Variants in PCDH15 observed in about 807,000 individuals in gnomAD.
PCDH15 encodes the protein protocadherin related 15, also known as protocadherin-15.
In PCDH15, 129 loss-of-function variants were observed where a neutral mutation model predicts 178.5. The observed-to-expected ratio is 0.72, with a 90% CI of 0.63 to 0.84. PCDH15 has a LOEUF of 0.84. PCDH15 is among the 40% of genes least tolerant of loss of function. The pLI, the probability that PCDH15 is intolerant of heterozygous loss-of-function variation, is 0.00. For missense variants in PCDH15, 2,230 were observed against 2,099.9 expected, an observed-to-expected ratio of 1.06 and a Z score of -1.21; for synonymous variants, 800 against 732.0, an observed-to-expected ratio of 1.09 and a Z score of -1.50.
chr10:55,151,572 T>G (rs1436431548), intron 2 of PCDH15, among the ~76,000 whole-genome samples: 2 of 152,128 alleles, frequency 1.3e-5, no homozygotes, highest in East Asian at 3.9e-4. Context: ...CTTCAGACCT[T>G]CAATAAGATG....
intron 8 of PCDH15, among the ~76,000 whole-genome samples, chr10:54,302,062 A>G (rs2060180558): frequency 6.6e-6 from 1 of 152,194 alleles, no homozygotes; most frequent in South Asian, 2.1e-4. Flanking sequence ...TCCCATCAAA[A>G]TCAACATAAC....
intron 2 of PCDH15, among the ~76,000 whole-genome samples, chr10:55,499,549 T>C (rs1840609377): frequency 6.6e-6 from 1 of 151,718 alleles, no homozygotes; most frequent in Admixed American, 6.6e-5. Context: ...GATGTCTTTG[T>C]ACATTCTTTT....
intron 3 of PCDH15, among the ~76,000 whole-genome samples, chr10:54,386,178 C>T (rs1184439723): frequency 6.7e-6 from 1 of 148,824 alleles, no homozygotes; most frequent in Non-Finnish European, 1.5e-5. Flanking sequence ...AATATTTTGG[C>T]TTCCCTAGGC....
At chr10:54,676,107 G>C (rs181024109) in intron 1 of PCDH15, among the ~76,000 whole-genome samples, 162 of 152,166 alleles carry the variant, frequency 1.1e-3, no homozygotes, top group Non-Finnish European at 2.0e-3. Flanking sequence ...AATTCTCACA[G>C]AGAGTATGGA....
At chr10:54,839,758 GC>G (rs1432127440) in intron 3 of PCDH15, among the ~76,000 whole-genome samples, 1 of 151,944 alleles carries the variant, frequency 6.6e-6, no homozygotes, top group Non-Finnish European at 1.5e-5. Flanking sequence ...TTAGAAAGCA[GC>G]AAATAAATAA....
At chr10:54,609,257 C>T (rs1398578567) in intron 2 of PCDH15, among the ~76,000 whole-genome samples, 1 of 151,960 alleles carries the variant, frequency 6.6e-6, no homozygotes, top group Non-Finnish European at 1.5e-5. Flanking sequence ...AAATACATTT[C>T]AAATGTTATG....
At chr10:54,878,286 GCAAT>G (rs1179042421) in intron 3 of PCDH15, among the ~76,000 whole-genome samples, 2 of 152,076 alleles carry the variant, frequency 1.3e-5, no homozygotes, top group Non-Finnish European at 2.9e-5. Context: ...TAAAGATCTA[GCAAT>G]CAAGCAACTT....
intron 18 of PCDH15, among the ~76,000 whole-genome samples, chr10:54,027,335 G>A (rs971745604): frequency 6.6e-6 from 1 of 151,602 alleles, no homozygotes; most frequent in African/African-American, 2.4e-5. Context: ...TGGATAGGAA[G>A]AATCAATATC....
intron 2 of PCDH15, among the ~76,000 whole-genome samples, chr10:54,558,998 A>G (rs1350839026): frequency 6.6e-6 from 1 of 152,060 alleles, no homozygotes; most frequent in African/African-American, 2.4e-5. Flanking sequence ...AAAGAATAGC[A>G]ATAGGTTTGG....
intron 2 of PCDH15, among the ~76,000 whole-genome samples, chr10:55,347,466 A>C (rs534231195): frequency 3.9e-5 from 6 of 152,312 alleles, no homozygotes; most frequent in African/African-American, 1.4e-4. Flanking sequence ...TGGCTTAAGC[A>C]ACCATAAATT....
chr10:54,346,342 A>G (rs375920484), intron 6 of PCDH15, 23 bp downstream of exon 6: 15 of 1,608,046 alleles, frequency 9.3e-6, no homozygotes, highest in Non-Finnish European at 1.1e-5. Context: ...AGAAAATTAC[A>G]TTGCAAATAG....
chr10:54,395,298 C>T (rs541472629), intron 3 of PCDH15, among the ~76,000 whole-genome samples: 2 of 151,926 alleles, frequency 1.3e-5, no homozygotes, highest in African/African-American at 4.8e-5. Flanking sequence ...TCACAATCTA[C>T]GTTCTTCTGC....
chr10:54,726,674 A>C (rs1942581640), intron 1 of PCDH15, among the ~76,000 whole-genome samples: 1 of 151,396 alleles, frequency 6.6e-6, no homozygotes, highest in African/African-American at 2.4e-5. Flanking sequence ...ATGACATAAG[A>C]GCTGAAAGAC....
At chr10:54,709,663 G>A (rs1053063018) in intron 1 of PCDH15, among the ~76,000 whole-genome samples, 3 of 115,432 alleles carry the variant, frequency 2.6e-5, no homozygotes, top group Non-Finnish European at 5.5e-5. Flanking sequence ...ACATATTAAT[G>A]TATAGTTATG....
intron 1 of PCDH15, among the ~76,000 whole-genome samples, chr10:55,277,181 A>C (rs1334061934): frequency 1.3e-5 from 2 of 152,038 alleles, no homozygotes; most frequent in East Asian, 3.9e-4. Flanking sequence ...TTGATATTTT[A>C]CAGTTTGATT....
At chr10:54,893,794 C>A (rs16906655) in intron 3 of PCDH15, among the ~76,000 whole-genome samples, 2 of 151,950 alleles carry the variant, frequency 1.3e-5, no homozygotes, top group African/African-American at 4.8e-5. Flanking sequence ...ATTATTTACA[C>A]GACAGCTCTA....
At chr10:54,413,996 T>C (rs2135691022) in intron 3 of PCDH15, among the ~76,000 whole-genome samples, 1 of 152,264 alleles carries the variant, frequency 6.6e-6, no homozygotes, top group Non-Finnish European at 1.5e-5. Flanking sequence ...TAGTGTACGT[T>C]GTACCCATAA....
chr10:55,570,608 CTT>C (rs1394557300), intron 2 of PCDH15, among the ~76,000 whole-genome samples: 1 of 151,742 alleles, frequency 6.6e-6, no homozygotes, highest in Non-Finnish European at 1.5e-5. Context: ...TTATATATGA[CTT>C]TTAAGAATGT....
chr10:55,209,584 T>G (rs756934034), intron 1 of PCDH15, among the ~76,000 whole-genome samples: 1 of 152,018 alleles, frequency 6.6e-6, no homozygotes, highest in African/African-American at 2.4e-5. Context: ...TTTGGACATA[T>G]GAAAATGAGG....
Sources: allele counts gnomAD v4.1 joint callset (sites outside exome capture counted in the v4.1 genomes callset), GRCh38; gene constraint gnomAD v4.1.1; transcripts MANE v1.5; gene names NCBI Gene and HGNC (gene_info 2026-07-23, HGNC 2026-07-21).